Variants in CDC5L observed in about 807,000 individuals in gnomAD.
CDC5L encodes the protein cell division cycle 5 like, also known as cell division cycle 5-like protein.
A neutral mutation model predicts 104.1 loss-of-function variants in CDC5L; 18 were observed. That is an observed-to-expected ratio of 0.17 (90% CI 0.12 to 0.26). The LOEUF is 0.26. CDC5L is among the 10% of genes least tolerant of loss of function. The pLI is 1.00. For synonymous variants in CDC5L, 331 were observed against 322.7 expected (o/e 1.03, Z -0.28); for missense variants, 673 against 956.9 (o/e 0.70, Z 3.91).
chr6:44,390,141 C>A lies in CDC5L; in HGVS notation c.46-127C>A. 3 of 614,342 alleles carry A rather than the reference C, an allele frequency of 4.9e-6. No homozygotes were observed. In the South Asian group the frequency reaches 5.9e-5, roughly 12 times the overall value. The allele number at this position is 614,342 out of a possible 1,614,324, so 38.1% of individuals were successfully genotyped here. The stretch of plus-strand genomic sequence containing the variant: ...GAGGTTTTCATCCTTAGTCTTTTAA[C>A]CTAGGTGGTGTGTATGTGCATGTTA... On this transcript the variant is annotated intron_variant, in intron 1 of 15. Coordinates refer to ENST00000371477, the MANE Select transcript of CDC5L (RefSeq NM_001253.4).
chr6:44,433,726 C>CA (rs1249930007), intron 14 of CDC5L, among the ~76,000 whole-genome samples: 1 of 152,152 alleles, frequency 6.6e-6, no homozygotes, highest in Non-Finnish European at 1.5e-5. Flanking sequence ...ACAGATAACA[C>CA]ACTTAAAATC....
intron 2 of CDC5L, 142 bp from the exon 3 acceptor site, chr6:44,392,524 TA>T (rs1790669520): frequency 3.0e-6 from 2 of 664,240 alleles, no homozygotes; most frequent in Admixed American, 5.6e-5. Flanking sequence ...GGGGTAAGTG[TA>T]ACCACACAGC....
intron 14 of CDC5L, among the ~76,000 whole-genome samples, chr6:44,430,515 A>G (rs1792631199): frequency 6.7e-6 from 1 of 149,800 alleles, no homozygotes; most frequent in Admixed American, 6.7e-5. Flanking sequence ...GAATCTGTGT[A>G]GGCATTTTGC....
At chr6:44,401,589 T>TG (rs142054285) in intron 5 of CDC5L, among the ~76,000 whole-genome samples, 2 of 152,082 alleles carry the variant, frequency 1.3e-5, no homozygotes, top group African/African-American at 4.8e-5. Context: ...TCCTCTGAGC[T>TG]GGGGGGAAGG....
chr6:44,409,221 C>T (rs1325030420), intron 8 of CDC5L, among the ~76,000 whole-genome samples: 5 of 152,236 alleles, frequency 3.3e-5, no homozygotes, highest in African/African-American at 1.2e-4. Context: ...TTGTGCCCCT[C>T]ATCCGTAGAG....
At position 44,446,621 on chromosome 6, in the gene CDC5L, C is replaced by T. The variant is rs888991624; in HGVS notation, c.2319C>T (p.Asp773=). The change falls in exon 16 of 16, where the codon GAC becomes GAT. Residue 773 remains aspartate (D), a synonymous_variant. Coordinates refer to ENST00000371477, the MANE Select transcript of CDC5L (RefSeq NM_001253.4). The part of the protein sequence containing the change: ...IPRRLECLKE[D]VQRQQEREKE... ...TTTTCTTTAAGTGTCTAAAAGAAGA[C>T]GTTCAGCGACAACAAGAAAGAGAAA... 10 of 1,563,622 alleles carry T rather than the reference C, an allele frequency of 6.4e-6. No individual in the cohort carries two copies. The highest frequency in any genetic ancestry group is 2.3e-5 in the East Asian group (1 of 43,610).
At chr6:44,421,782 G>A (rs1253951762) in intron 9 of CDC5L, among the ~76,000 whole-genome samples, 3 of 152,150 alleles carry the variant, frequency 2.0e-5, no homozygotes, top group Admixed American at 6.5e-5. Context: ...ATGTGCATAC[G>A]TTATATGCAA....
At chr6:44,412,069 T>C (rs1431531008) in intron 8 of CDC5L, among the ~76,000 whole-genome samples, 1 of 152,206 alleles carries the variant, frequency 6.6e-6, no homozygotes, top group Admixed American at 6.5e-5. Flanking sequence ...CAATAATGGC[T>C]ATAGGTATTG....
chr6:44,408,737 G>A, intron 8 of CDC5L, 105 bp downstream of exon 8: 1 of 759,326 alleles, frequency 1.3e-6, no homozygotes, highest in South Asian at 3.0e-5. Flanking sequence ...TAGTGTAAAT[G>A]GTTTGAAACT....
chr6:44,431,847 G>A (rs1792701565), intron 14 of CDC5L, among the ~76,000 whole-genome samples: 1 of 152,166 alleles, frequency 6.6e-6, no homozygotes. Flanking sequence ...GGTTCTCTTT[G>A]TTCAGTTCAG....
intron 14 of CDC5L, among the ~76,000 whole-genome samples, chr6:44,441,883 G>A (rs1247184687): frequency 6.6e-6 from 1 of 150,982 alleles, no homozygotes; most frequent in African/African-American, 2.4e-5. Context: ...TATCCAGGCC[G>A]GGAGTGGTGG....
intron 8 of CDC5L, among the ~76,000 whole-genome samples, chr6:44,411,771 G>C (rs1188298077): frequency 5.3e-5 from 8 of 152,146 alleles, no homozygotes; most frequent in Non-Finnish European, 1.0e-4. Context: ...TCAAGGCTTT[G>C]AGGAGGTCTG....
At chr6:44,411,649 T>A (rs1201830401) in intron 8 of CDC5L, among the ~76,000 whole-genome samples, 1 of 131,326 alleles carries the variant, frequency 7.6e-6, no homozygotes, top group African/African-American at 2.7e-5. Flanking sequence ...TGTGTGTGTG[T>A]GTGTGACTAA....
chr6:44,390,088 A>G (rs367863272), intron 1 of CDC5L, among the ~76,000 whole-genome samples, 180 bp from the exon 2 acceptor site: 1 of 151,994 alleles, frequency 6.6e-6, no homozygotes, highest in African/African-American at 2.4e-5. Flanking sequence ...TAATTTCTCA[A>G]TTCTTGGTTG....
chr6:44,425,866 A>G lies in CDC5L; in HGVS notation c.1570-237A>G, dbSNP rs111742042. Among the ~76,000 whole-genome samples the G allele has an allele frequency of 3.7e-3, 569 of 152,162 alleles. 1 individual carries two copies. The highest frequency in any genetic ancestry group is 0.013 in the African/African-American group (531 of 41,500). On this transcript the variant is annotated intron_variant, in intron 11 of 15. Coordinates refer to ENST00000371477, the MANE Select transcript of CDC5L (RefSeq NM_001253.4). ...AAAGTTTGTTACGTGATATGGATCC[A>G]TGCAAGTTTGGAGAATGCTCTAGTA...
At chr6:44,442,373 T>TG (rs1287254712) in intron 14 of CDC5L, among the ~76,000 whole-genome samples, 19 of 139,986 alleles carry the variant, frequency 1.4e-4, no homozygotes, top group Non-Finnish European at 1.7e-4. Flanking sequence ...TGTGTGTGTA[T>TG]GTTGTGTGTG....
intron 2 of CDC5L, 75 bp downstream of exon 2, chr6:44,390,446 C>A: frequency 1.1e-6 from 1 of 929,676 alleles, no homozygotes; most frequent in Non-Finnish European, 1.7e-6. Context: ...ACTCTGTGAA[C>A]CTTATCAAAG....
chr6:44,412,869 G>T (rs12207528), intron 8 of CDC5L, among the ~76,000 whole-genome samples: 2 of 141,034 alleles, frequency 1.4e-5, no homozygotes, highest in Non-Finnish European at 1.5e-5. Context: ...TGCAAGCTCC[G>T]CCTCCCGGGT....
At chr6:44,445,951 A>G in intron 15 of CDC5L, 84 bp downstream of exon 15, 1 of 1,046,718 alleles carries the variant, frequency 9.6e-7, no homozygotes, top group Non-Finnish European at 1.4e-6. Flanking sequence ...TCCTATGTAG[A>G]CTGTCTCTGA....
Sources: gnomAD v4.1 joint callset for allele counts (sites outside exome capture counted in the v4.1 genomes callset) on GRCh38, gnomAD v4.1.1 for gene constraint, MANE v1.5 for transcripts, NCBI Gene and HGNC (gene_info 2026-07-23, HGNC 2026-07-21) for gene names.